Variants in DUOX1 observed in about 807,000 individuals in gnomAD.
DUOX1 encodes NADPH thyroid oxidase 1.
A neutral mutation model predicts 181.8 loss-of-function variants in DUOX1; 134 were observed. That is an observed-to-expected ratio of 0.74 (90% CI 0.64 to 0.85). The LOEUF (loss-of-function observed/expected upper bound fraction) is 0.85. DUOX1 is among the 40% of genes least tolerant of loss of function. DUOX1 has a pLI of 0.00. For missense variants in DUOX1, 1,814 were observed against 2,064.4 expected, an observed-to-expected ratio of 0.88 and a Z score of 2.35; for synonymous variants, 798 against 832.5, an observed-to-expected ratio of 0.96 and a Z score of 0.71.
rs1394461121 is a variant in DUOX1 at position 45,162,045 on chromosome 15, C to G, written c.4089+75C>G. The stretch of plus-strand genomic sequence containing the variant: ...GGCTTTGGCCCGGCAGCACTAGACT[C>G]CCCGCTCTGTGCCTCCCCTCTCTGC... On this transcript the variant is annotated intron_variant, in intron 30 of 33. Coordinates refer to ENST00000389037, the MANE Select transcript of DUOX1 (RefSeq NM_175940.3). The G allele has an allele frequency of 2.7e-6, 4 of 1,483,336 alleles. No homozygotes were observed. In the African/African-American group the frequency reaches 5.6e-5, roughly 21 times the overall value. 91.9% of individuals were successfully genotyped at this position (1,483,336 alleles called of 1,614,324 possible).
At position 45,139,504 on chromosome 15, in the gene DUOX1, C is replaced by T. The variant is rs147508911; in HGVS notation, c.1294C>T (p.Leu432=). 1.2e-6 allele frequency: 2 copies of T among 1,613,704 alleles called. No individual in the cohort carries two copies. Among genetic ancestry groups the T allele is most frequent in the African/African-American group, 2.7e-5 (2 of 74,924 alleles). Reference sequence around the variant, plus strand: ...CCTGCAGCGGGGCCGGGATCTGGGCCTGCCCTCTTACACCAAGGCCAGGGC... The same window carrying T: ...CCTGCAGCGGGGCCGGGATCTGGGCTTGCCCTCTTACACCAAGGCCAGGGC... The part of the protein sequence containing the change: ...SCLQRGRDLG[L]PSYTKARAAL... The change falls in exon 12 of 34, where the codon CTG becomes TTG. Residue 432 remains leucine, a synonymous_variant. Transcript: ENST00000389037.
intron 18 of DUOX1, among the ~76,000 whole-genome samples, chr15:45,146,250 G>A (rs577746788): frequency 6.6e-6 from 1 of 152,350 alleles, no homozygotes; most frequent in African/African-American, 2.4e-5. Context: ...TGGTTGGGGA[G>A]AGGATTCATG....
At chr15:45,153,581 A>G in intron 26 of DUOX1, 102 bp downstream of exon 26, 1 of 1,224,520 alleles carries the variant, frequency 8.2e-7, no homozygotes, top group East Asian at 2.3e-5. Context: ...GTGGAAAGAA[A>G]TTATCTGGCT....
intron 15 of DUOX1, among the ~76,000 whole-genome samples, chr15:45,142,812 A>T (rs1896542832): frequency 1.1e-5 from 1 of 91,118 alleles, no homozygotes; most frequent in Non-Finnish European, 2.2e-5. Context: ...AGGGAGGAAG[A>T]GCAGGCTGGG....
chr15:45,135,422 C>T, intron 5 of DUOX1, 52 bp from the exon 6 acceptor site: 2 of 1,530,834 alleles, frequency 1.3e-6, no homozygotes, highest in East Asian at 2.5e-5. Flanking sequence ...CCCGGCCTTC[C>T]CTAGCTCGCC....
At chr15:45,157,252 A>T (rs917862474) in intron 28 of DUOX1, among the ~76,000 whole-genome samples, 5 of 152,166 alleles carry the variant, frequency 3.3e-5, no homozygotes, top group Admixed American at 3.3e-4. Flanking sequence ...TTCCTAAGAA[A>T]CATCTCTTTC....
Position 45,164,810 on chromosome 15 carries a change from C to A in DUOX1, c.4565C>A (p.Pro1522His). ...VRKIGVFSCG[P>H]PGMTKNVEKA... is the part of the protein sequence containing the mutation. ...AAGATCGGGGTGTTTAGCTGTGGCC[C>A]CCCTGGCATGACCAAGAATGTGGAA... is the stretch of plus-strand genomic sequence containing the variant. Residue 1522 changes from proline to histidine, a missense_variant, in exon 34 of 34, where the codon CCC (proline) becomes CAC (histidine). Coordinates refer to ENST00000389037, the MANE Select transcript of DUOX1 (RefSeq NM_175940.3). 1 of 1,614,122 alleles carries A rather than the reference C, an allele frequency of 6.2e-7. No individual in the cohort carries two copies. The highest frequency in any genetic ancestry group is 8.5e-7 in the Non-Finnish European group (1 of 1,179,996).
Position 45,136,595 on chromosome 15 carries a change from C to T in DUOX1, c.992C>T (p.Ser331Phe), listed in dbSNP as rs772395646. 1 of 1,614,058 alleles carries T rather than the reference C, an allele frequency of 6.2e-7. No individual in the cohort carries two copies. The highest frequency in any genetic ancestry group is 8.5e-7 in the Non-Finnish European group (1 of 1,180,030). Residue 331 changes from serine (S) to phenylalanine (F), a missense_variant, in exon 9 of 34, where the codon TCC becomes TTC. Transcript: ENST00000389037. ...EFVAASEQFLSTMVPPGVYMR... is the reference protein window; with the variant it reads ...EFVAASEQFLFTMVPPGVYMR... ...GTGGCGGCCTCTGAGCAGTTCCTGT[C>T]CACCATGGTGCCCCCTGGCGTCTAC...
chr15:45,165,160 A>T lies in DUOX1; in HGVS notation c.*259A>T. Reference sequence around the variant, plus strand: ...AGTAGGGGAGCTACTGATTTGGGGCAAAGTGAAACCTCTGCTTCCAGACTT... The same window carrying T: ...AGTAGGGGAGCTACTGATTTGGGGCTAAGTGAAACCTCTGCTTCCAGACTT... On this transcript the variant is annotated 3_prime_UTR_variant, in exon 34 of 34. Coordinates refer to ENST00000389037, the MANE Select transcript of DUOX1 (RefSeq NM_175940.3). 1.9e-6 allele frequency: 1 copy of T among 537,744 alleles called. No homozygotes were observed. The highest frequency in any genetic ancestry group is 3.3e-6 in the Non-Finnish European group (1 of 301,636). The allele number at this position is 537,744 out of a possible 1,614,324, so 33.3% of individuals were successfully genotyped here.
chr15:45,158,802 A>G (rs143426913), intron 28 of DUOX1, among the ~76,000 whole-genome samples: 1 of 150,634 alleles, frequency 6.6e-6, no homozygotes, highest in Admixed American at 6.7e-5. Context: ...AGAAGGGGAG[A>G]CTCTAATCTC....
At position 45,141,092 on chromosome 15, in the gene DUOX1, C is replaced by T. The variant is rs368978964; in HGVS notation, c.1565+22C>T. 5.6e-5 allele frequency: 90 copies of T among 1,613,950 alleles called. No homozygotes were observed. In the East Asian group the frequency reaches 1.8e-3, roughly 33 times the overall value. The stretch of plus-strand genomic sequence containing the variant: ...ATGGGTAAGGCGTGCTGGGCCTCCG[C>T]CTCAGGCTCTACCTCGGCCTGGGCC... On this transcript the variant is annotated intron_variant, in intron 13 of 33. Coordinates refer to ENST00000389037, the MANE Select transcript of DUOX1 (RefSeq NM_175940.3).
chr15:45,156,721 G>A (rs7174412), intron 28 of DUOX1, among the ~76,000 whole-genome samples: 27,391 of 152,018 alleles, frequency 0.18, 2,970 homozygotes, highest in East Asian at 0.42. Flanking sequence ...GTGAGCCACC[G>A]CGCCAGGCCA....
At chr15:45,145,431 T>C (rs1000072131) in intron 18 of DUOX1, among the ~76,000 whole-genome samples, 27 of 152,304 alleles carry the variant, frequency 1.8e-4, no homozygotes, top group African/African-American at 6.3e-4. Context: ...AGGGATATTG[T>C]TCACCCCTTC....
At chr15:45,133,978 C>T (rs1197467061) in intron 3 of DUOX1, 31 bp downstream of exon 3, 2 of 1,610,576 alleles carry the variant, frequency 1.2e-6, no homozygotes, top group Non-Finnish European at 1.7e-6. Context: ...GATAGAACCC[C>T]AGGGCCAGGG....
At chr15:45,135,413 C>A in intron 5 of DUOX1, 61 bp from the exon 6 acceptor site, 1 of 1,520,116 alleles carries the variant, frequency 6.6e-7, no homozygotes, top group Non-Finnish European at 8.8e-7. Context: ...CCGCCGGGCC[C>A]CGGCCTTCCC....
intron 10 of DUOX1, among the ~76,000 whole-genome samples, chr15:45,138,427 C>T (rs955329187): frequency 3.9e-5 from 6 of 152,076 alleles, no homozygotes; most frequent in East Asian, 1.9e-4. Context: ...ACACACATCC[C>T]GGGCAGTGTG....
intron 12 of DUOX1, 150 bp from the exon 13 acceptor site, chr15:45,140,745 G>T: frequency 2.9e-6 from 2 of 698,314 alleles, no homozygotes; most frequent in African/African-American, 1.8e-5. Flanking sequence ...TCAGAGAAGT[G>T]CCTGGGGCAT....
intron 2 of DUOX1, among the ~76,000 whole-genome samples, chr15:45,133,406 G>T (rs2141250427): frequency 6.6e-6 from 1 of 152,260 alleles, no homozygotes. Context: ...CCCAGGGATG[G>T]GTCACAGAAT....
chr15:45,163,615 C>T lies in DUOX1; in HGVS notation c.4332C>T (p.His1444=), dbSNP rs150734159. The T allele has an allele frequency of 7.6e-5, 122 of 1,614,022 alleles. No homozygotes were observed. Among genetic ancestry groups the T allele is most frequent in the Non-Finnish European group, 9.8e-5 (116 of 1,180,036 alleles). Residue 1444 remains histidine (H), a synonymous_variant, in exon 32 of 34, where the codon CAC becomes CAT. Coordinates refer to ENST00000389037, the MANE Select transcript of DUOX1 (RefSeq NM_175940.3). The part of the protein sequence containing the change: ...DIIREVEEND[H]QDLVSVHIYI... ...TCCGAGAGGTGGAGGAGAATGACCA[C>T]CAGGACCTGGTGTCTGTGCACATCT...
Sources: allele counts gnomAD v4.1 joint callset (sites outside exome capture counted in the v4.1 genomes callset), GRCh38; gene constraint gnomAD v4.1.1; transcripts MANE v1.5; gene names NCBI Gene and HGNC (gene_info 2026-07-23, HGNC 2026-07-21).